The following SSBP2 variants were observed in gnomAD, a reference collection of about 807,000 sequenced individuals.
The protein encoded by SSBP2 is single stranded DNA binding protein 2.
SSBP2 carries 17 observed loss-of-function variants against 61.8 expected under a neutral mutation model. The observed-to-expected ratio is 0.28, with a 90% CI of 0.19 to 0.41. SSBP2 has a LOEUF of 0.41. Among genes scored for constraint, SSBP2 ranks in the 10% least tolerant of loss-of-function variants. The probability of loss-of-function intolerance (pLI) is 1.00; values close to 1 mark genes in which losing one functional copy is unlikely to be tolerated. For missense variants in SSBP2, 310 were observed against 458.7 expected, an observed-to-expected ratio of 0.68 and a Z score of 2.96; for synonymous variants, 139 against 141.3, an observed-to-expected ratio of 0.98 and a Z score of 0.12.
intron 1 of SSBP2, among the ~76,000 whole-genome samples, chr5:81,727,218 T>C (rs938487117): frequency 2.6e-5 from 4 of 152,198 alleles, no homozygotes; most frequent in African/African-American, 4.8e-5. Context: ...TAGAATATAC[T>C]ACTAACTTCA....
intron 4 of SSBP2, 170 bp downstream of exon 4, chr5:81,615,303 C>T (rs2153604178): frequency 1.6e-6 from 1 of 621,068 alleles, no homozygotes; most frequent in Non-Finnish European, 2.8e-6. Context: ...GACTCAAATG[C>T]CCCTTTCTAT....
rs191284642 is a variant in SSBP2 at position 81,493,484 on chromosome 5, G to A, written c.373-4175C>T. 7.0e-3 allele frequency among the ~76,000 whole-genome samples: 1,058 copies of A among 152,114 alleles called. 4 individuals carry two copies. The highest frequency in any genetic ancestry group is 0.02 in the Middle Eastern group (6 of 294). On this transcript the variant is annotated intron_variant, in intron 5 of 16. Coordinates refer to ENST00000320672, the MANE Select transcript of SSBP2 (RefSeq NM_012446.5). ...AAAAAAAAAATTGCAGGCCGGACGT[G>A]GTGACTCACACCTGTAATCCCAACA...
At chr5:81,583,394 C>A (rs1193703750) in intron 4 of SSBP2, among the ~76,000 whole-genome samples, 5 of 152,074 alleles carry the variant, frequency 3.3e-5, no homozygotes, top group African/African-American at 1.2e-4. Context: ...CTTTGGGAGG[C>A]CAAGGCGGGC....
intron 1 of SSBP2, among the ~76,000 whole-genome samples, chr5:81,742,885 A>T (rs928766823): frequency 1.1e-4 from 16 of 152,184 alleles, no homozygotes; most frequent in African/African-American, 3.4e-4. Flanking sequence ...ATCTCAAAAA[A>T]ATAATAATAC....
chr5:81,664,129 G>GTTTTTTTT (rs71278675), intron 1 of SSBP2, among the ~76,000 whole-genome samples: 1 of 141,554 alleles, frequency 7.1e-6, no homozygotes, highest in African/African-American at 2.6e-5. Context: ...TTTTGTTTTT[G>GTTTTTTTT]TTTTTTTTTT....
chr5:81,593,698 A>T (rs1211515827), intron 4 of SSBP2, among the ~76,000 whole-genome samples: 1 of 152,210 alleles, frequency 6.6e-6, no homozygotes, highest in African/African-American at 2.4e-5. Flanking sequence ...AACATTCTTA[A>T]AGAAAAGAAT....
In SSBP2 at chr5:81,700,561, G is replaced by C. The variant is rs535271630; in HGVS notation, c.63-50222C>G. ...AGCCTGTCCTTTGAAGCCAGGCATTGGCTACTTTCTCTAGCTGTGAAGTCC... is the reference window on the plus strand; with the variant it reads ...AGCCTGTCCTTTGAAGCCAGGCATTCGCTACTTTCTCTAGCTGTGAAGTCC... On this transcript the variant is annotated intron_variant, in intron 1 of 16. Transcript: ENST00000320672. Among the ~76,000 whole-genome samples the C allele has an allele frequency of 3.3e-5, 5 of 152,264 alleles. No homozygotes were observed. The South Asian group carries it at 1.0e-3, about 32-fold the overall frequency.
At chr5:81,450,532 A>G (rs1763702791) in intron 10 of SSBP2, among the ~76,000 whole-genome samples, 1 of 152,156 alleles carries the variant, frequency 6.6e-6, no homozygotes, top group Non-Finnish European at 1.5e-5. Flanking sequence ...GCCTTGCTTT[A>G]CTTTACAATA....
chr5:81,688,760 CACA>C (rs1195015289), intron 1 of SSBP2, among the ~76,000 whole-genome samples: 1 of 152,030 alleles, frequency 6.6e-6, no homozygotes, highest in Non-Finnish European at 1.5e-5. Context: ...TAAGGAAAGG[CACA>C]ACAAGCCCAA....
chr5:81,653,052 C>T (rs1042556792), intron 1 of SSBP2, among the ~76,000 whole-genome samples: 6 of 151,852 alleles, frequency 4.0e-5, no homozygotes, highest in African/African-American at 1.2e-4. Flanking sequence ...CACTCATCAA[C>T]CCCTCATCTA....
At chr5:81,460,925 T>C (rs1184770152) in intron 10 of SSBP2, 130 bp downstream of exon 10, 1 of 453,002 alleles carries the variant, frequency 2.2e-6, no homozygotes, top group African/African-American at 2.1e-5. Flanking sequence ...TATATTAAAC[T>C]TTTTGAATGA....
At chr5:81,671,109 T>A (rs921499959) in intron 1 of SSBP2, among the ~76,000 whole-genome samples, 3 of 152,114 alleles carry the variant, frequency 2.0e-5, no homozygotes, top group African/African-American at 7.2e-5. Flanking sequence ...ACAACTCTAA[T>A]ACCACTGAAG....
In SSBP2 at chr5:81,529,439, T is replaced by G. The variant is rs1770224511; in HGVS notation, c.283-15722A>C. 2.0e-5 allele frequency among the ~76,000 whole-genome samples: 3 copies of G among 152,150 alleles called. No homozygotes were observed. In the South Asian group the frequency reaches 6.2e-4, roughly 31 times the overall value. On this transcript the variant is annotated intron_variant, in intron 4 of 16. Transcript: ENST00000320672. ...GCATTGCCACCTATCCTCCACACACTAACACCTTGATGTAGCTCAGGTCAG... is the reference window on the plus strand; with the variant it reads ...GCATTGCCACCTATCCTCCACACACGAACACCTTGATGTAGCTCAGGTCAG...
Position 81,600,561 on chromosome 5 carries a change from C to CAAA in SSBP2, c.282+14909_282+14911dup, listed in dbSNP as rs35204869. Among the ~76,000 whole-genome samples the CAAA allele has an allele frequency of 3.1e-4, 27 of 87,562 alleles. No homozygotes were observed. The South Asian group carries it at 6.0e-3, about 19-fold the overall frequency. 57.4% of individuals were successfully genotyped at this position (87,562 alleles called of 152,430 possible). A position where few individuals can be genotyped will look rare whatever the true frequency, so the allele number is the denominator to read the frequency against. On this transcript the variant is annotated intron_variant, in intron 4 of 16. Transcript: ENST00000320672. ...TGGGCAACAGAGCAAGACTCTGTCT[C>CAAA]AAAAAAAAAAAAAAAAAAACAAAAA...
rs1233224497 is a variant in SSBP2, at chr5:81,418,205, A to G, written c.*2299T>C. ...TTGGTAAAGTCAGGTGTCTGGACAA[A>G]CTATCACCTTCATTCAGGTTACCCT... On this transcript the variant is annotated 3_prime_UTR_variant, in exon 17 of 17. Coordinates refer to ENST00000320672, the MANE Select transcript of SSBP2 (RefSeq NM_012446.5). The G allele has an allele frequency of 1.3e-5, 2 of 152,232 alleles. No individual in the cohort carries two copies. Among genetic ancestry groups the G allele is most frequent in the African/African-American group, 4.8e-5 (2 of 41,462 alleles). 9.4% of individuals were successfully genotyped at this position (152,232 alleles called of 1,614,324 possible).
At chr5:81,506,622 G>A (rs900489904) in intron 5 of SSBP2, among the ~76,000 whole-genome samples, 1 of 152,150 alleles carries the variant, frequency 6.6e-6, no homozygotes, top group Non-Finnish European at 1.5e-5. Flanking sequence ...ACCACTGGAA[G>A]TGAAGGTAAT....
At chr5:81,721,383 T>G (rs17233376) in intron 1 of SSBP2, among the ~76,000 whole-genome samples, 9,878 of 152,126 alleles carry the variant, frequency 0.065, 462 homozygotes, top group Middle Eastern at 0.12. Flanking sequence ...TACAGGTAGC[T>G]ACTTCAGACT....
At chr5:81,467,191 T>C in intron 8 of SSBP2, 126 bp from the exon 9 acceptor site, 2 of 528,136 alleles carry the variant, frequency 3.8e-6, no homozygotes, top group South Asian at 4.5e-5. Context: ...GGGTCCATTC[T>C]TGTATTTTTG....
intron 4 of SSBP2, among the ~76,000 whole-genome samples, chr5:81,524,596 T>A (rs1489549902): frequency 2.0e-5 from 3 of 152,082 alleles, no homozygotes; most frequent in African/African-American, 7.2e-5. Flanking sequence ...AAAACGTTAC[T>A]GTACTTGGCC....
Sources: gnomAD v4.1 joint callset for allele counts (sites outside exome capture counted in the v4.1 genomes callset) on GRCh38, gnomAD v4.1.1 for gene constraint, MANE v1.5 for transcripts, NCBI Gene and HGNC (gene_info 2026-07-23, HGNC 2026-07-21) for gene names.